The following PLAGL2 variants were observed in gnomAD, a reference collection of about 807,000 sequenced individuals.
PLAGL2 encodes the protein zinc finger protein PLAGL2.
Under a neutral mutation model 29.0 loss-of-function variants are expected in PLAGL2, and 7 were observed. The ratio of observed to expected loss-of-function variants is 0.24; its 90% CI spans 0.14 to 0.45. The LOEUF is 0.45. Among genes scored for constraint, PLAGL2 ranks in the 20% least tolerant of loss-of-function variants. The pLI is 0.99. For synonymous variants in PLAGL2, 234 were observed against 266.0 expected, an observed-to-expected ratio of 0.88 and a Z score of 1.17; for missense variants, 454 against 648.2, an observed-to-expected ratio of 0.70 and a Z score of 3.25.
At position 32,197,123 on chromosome 20, in the gene PLAGL2, G is replaced by A; in HGVS notation, c.820C>T (p.Pro274Ser). The change falls in exon 3 of 3, where the codon CCT becomes TCT. Residue 274 changes from proline (P) to serine (S), a missense_variant. Physicochemically the swap from Pro to Ser is moderately conservative, Grantham distance 74. Coordinates refer to ENST00000246229, the MANE Select transcript of PLAGL2 (RefSeq NM_002657.3). This position sits in a 1 kb window ranked among gnomAD's most constrained non-coding sequence, Gnocchi z 6.6. ...TCCCGAGAGGCCATGCACAGCACAG[G>A]GCTCAGCTCTTCCTTCACACTGACT... Reference protein sequence around the residue: ...STVSVKEELSPVLCMASRDVM... With the variant: ...STVSVKEELSSVLCMASRDVM... 3.7e-6 allele frequency: 6 copies of A among 1,614,194 alleles called. No homozygotes were observed. Among genetic ancestry groups the A allele is most frequent in the Non-Finnish European group, 5.1e-6 (6 of 1,180,030 alleles).
rs544911727 is a variant in PLAGL2, at chr20:32,199,210, T to C, written c.261-1528A>G. Among the ~76,000 whole-genome samples the C allele has an allele frequency of 9.2e-5, 14 of 152,306 alleles. No individual in the cohort carries two copies. In the South Asian group the frequency reaches 2.9e-3, roughly 32 times the overall value. ...GTCAGGTATGCAACAGCTGTCTCTC[T>C]CTCGTACAGCACTCTGTGATCCTTT... On this transcript the variant is annotated intron_variant, in intron 2 of 2. Transcript: ENST00000246229.
chr20:32,204,787 A>C (rs2047277668), intron 1 of PLAGL2, among the ~76,000 whole-genome samples: 1 of 152,218 alleles, frequency 6.6e-6, no homozygotes, highest in Non-Finnish European at 1.5e-5. Flanking sequence ...CAAAACTGTG[A>C]AAGAATTCTA....
intron 2 of PLAGL2, among the ~76,000 whole-genome samples, chr20:32,199,041 C>T (rs1226609977): frequency 6.6e-6 from 1 of 152,226 alleles, no homozygotes; most frequent in Non-Finnish European, 1.5e-5. Context: ...TCAGAATCAA[C>T]TCAGCACCCA....
intron 1 of PLAGL2, among the ~76,000 whole-genome samples, chr20:32,203,573 A>C (rs1474319222): frequency 6.6e-6 from 1 of 152,218 alleles, no homozygotes; most frequent in Non-Finnish European, 1.5e-5. Context: ...TTTCCATGTG[A>C]AGAGAGAAAA....
intron 2 of PLAGL2, among the ~76,000 whole-genome samples, chr20:32,200,501 C>T (rs1288841635): frequency 3.9e-5 from 6 of 152,212 alleles, no homozygotes; most frequent in African/African-American, 1.2e-4. Flanking sequence ...GCTGGGATTA[C>T]AGGCGTGAGC....
Position 32,197,646 on chromosome 20 carries a change from C to T in PLAGL2, c.297G>A (p.Gln99=). The T allele has an allele frequency of 6.2e-7, 1 of 1,614,124 alleles. No homozygotes were observed. Among genetic ancestry groups the T allele is most frequent in the African/African-American group, 1.3e-5 (1 of 75,044 alleles). Residue 99 remains glutamine (Q), a synonymous_variant, in exon 3 of 3, where the codon CAG becomes CAA. Coordinates refer to ENST00000246229, the MANE Select transcript of PLAGL2 (RefSeq NM_002657.3). The surrounding 1 kb of genome is among the most constrained non-coding windows in gnomAD (Gnocchi z 6.6). Reference sequence around the variant, plus strand: ...GAAACATCTTATCACAGTACATACACTGGTGGGGTTTCTGGGCTGAGTGGG... The same window carrying T: ...GAAACATCTTATCACAGTACATACATTGGTGGGGTTTCTGGGCTGAGTGGG... ...MATHSAQKPH[Q]CMYCDKMFHR... is the part of the protein sequence containing the mutation.
chr20:32,205,333 C>A (rs973350403), intron 1 of PLAGL2, among the ~76,000 whole-genome samples: 3 of 152,132 alleles, frequency 2.0e-5, no homozygotes, highest in Admixed American at 6.5e-5. Flanking sequence ...CCTTTTCCCT[C>A]ACAACTAACC....
chr20:32,200,885 C>T (rs369511954), intron 2 of PLAGL2, among the ~76,000 whole-genome samples: 4 of 152,240 alleles, frequency 2.6e-5, no homozygotes, highest in East Asian at 1.9e-4. Context: ...CGAGCCACCA[C>T]GCCTGGCCCA....
At position 32,193,165 on chromosome 20, in the gene PLAGL2, A is replaced by T. The variant is rs1487824880; in HGVS notation, c.*3287T>A. ...TTGATCCTGTACAATATAACCTGTT[A>T]AAAAAATCGTGCTTACAAACAGCTC... On this transcript the variant is annotated 3_prime_UTR_variant, in exon 3 of 3. Transcript: ENST00000246229. 1 of 152,338 alleles carries T rather than the reference A, an allele frequency of 6.6e-6. No homozygotes were observed. The highest frequency in any genetic ancestry group is 1.5e-5 in the Non-Finnish European group (1 of 68,028). 9.4% of individuals were successfully genotyped at this position (152,338 alleles called of 1,614,324 possible). A position where few individuals can be genotyped will look rare whatever the true frequency, so the allele number is the denominator to read the frequency against.
In PLAGL2 at chr20:32,197,703, T is replaced by C; in HGVS notation, c.261-21A>G. 4 of 1,603,506 alleles carry C rather than the reference T, an allele frequency of 2.5e-6. No individual in the cohort carries two copies. The highest frequency in any genetic ancestry group is 2.2e-5 in the South Asian group (2 of 90,354). ...TGTGCCTGGGGGTAGAGACAGGGGATAGGGGAGAAAGCAGAAAGAGGGGAG... is the reference window on the plus strand; with the variant it reads ...TGTGCCTGGGGGTAGAGACAGGGGACAGGGGAGAAAGCAGAAAGAGGGGAG... On this transcript the variant is annotated intron_variant, in intron 2 of 2. Transcript: ENST00000246229. This position sits in a 1 kb window ranked among gnomAD's most constrained non-coding sequence, Gnocchi z 6.6.
At chr20:32,207,160 G>A (rs1221375836) in intron 1 of PLAGL2, among the ~76,000 whole-genome samples, 2 of 152,182 alleles carry the variant, frequency 1.3e-5, no homozygotes, top group African/African-American at 2.4e-5. Context: ...AAGCCTCAAA[G>A]GGAGTTATGT....
At position 32,200,827 on chromosome 20, in the gene PLAGL2, C is replaced by G. The variant is rs999422544; in HGVS notation, c.260+1092G>C. 4.6e-5 allele frequency among the ~76,000 whole-genome samples: 7 copies of G among 152,188 alleles called. No homozygotes were observed. The Middle Eastern group carries it at 0.01, about 225-fold the overall frequency. ...CAGGCTTGCCTCAAACTCCTGGCCT[C>G]AAGTGATCCGCCCGCCTCAGCCTCC... On this transcript the variant is annotated intron_variant, in intron 2 of 2. Transcript: ENST00000246229.
chr20:32,200,469 G>A (rs1197482110), intron 2 of PLAGL2, among the ~76,000 whole-genome samples: 2 of 152,090 alleles, frequency 1.3e-5, no homozygotes, highest in Non-Finnish European at 1.5e-5. Context: ...CTCGTGATCC[G>A]CCTGCCTTGG....
chr20:32,202,068 T>C lies in PLAGL2; in HGVS notation c.111A>G (p.Gln37=), dbSNP rs2047262573. ...PRPRGREAES[Q]VKCQCEISGT... is the part of the protein sequence containing the mutation. Reference sequence around the variant, plus strand: ...CCGAAATTTCACATTGGCACTTCACTTGACTCTCCGCCTCCCGGCCCCGAG... The same window carrying C: ...CCGAAATTTCACATTGGCACTTCACCTGACTCTCCGCCTCCCGGCCCCGAG... Residue 37 remains glutamine (Q), a synonymous_variant, in exon 2 of 3, where the codon CAA becomes CAG. Transcript: ENST00000246229. The C allele has an allele frequency of 1.9e-6, 3 of 1,614,098 alleles. No homozygotes were observed. The highest frequency in any genetic ancestry group is 3.3e-5 in the Admixed American group (2 of 60,002).
Position 32,193,706 on chromosome 20 carries a change from G to C in PLAGL2, c.*2746C>G, listed in dbSNP as rs1475189975. The C allele has an allele frequency of 6.6e-6, 1 of 152,282 alleles. No homozygotes were observed. Among genetic ancestry groups the C allele is most frequent in the Non-Finnish European group, 1.5e-5 (1 of 68,090 alleles). 9.4% of individuals were successfully genotyped at this position (152,282 alleles called of 1,614,324 possible). A position where few individuals can be genotyped will look rare whatever the true frequency, so the allele number is the denominator to read the frequency against. On this transcript the variant is annotated 3_prime_UTR_variant, in exon 3 of 3. Coordinates refer to ENST00000246229, the MANE Select transcript of PLAGL2 (RefSeq NM_002657.3). ...GGCCTCAGTAAGCATACTGAAGTGAGTTCGGGTACTGAGTGCAGGATAAAG... is the reference window on the plus strand; with the variant it reads ...GGCCTCAGTAAGCATACTGAAGTGACTTCGGGTACTGAGTGCAGGATAAAG...
chr20:32,205,604 T>C (rs1313886676), intron 1 of PLAGL2, among the ~76,000 whole-genome samples: 1 of 152,204 alleles, frequency 6.6e-6, no homozygotes, highest in Non-Finnish European at 1.5e-5. Context: ...ACTATAGTTT[T>C]TATGGTGTTA....
chr20:32,195,908 G>C lies in PLAGL2; in HGVS notation c.*544C>G, dbSNP rs1352715560. On this transcript the variant is annotated 3_prime_UTR_variant, in exon 3 of 3. Coordinates refer to ENST00000246229, the MANE Select transcript of PLAGL2 (RefSeq NM_002657.3). Reference sequence around the variant, plus strand: ...TGCTGGACAACACTGACTGAAAACGGAGGTGCTGGTACAGGAGGAATGGGT... The same window carrying C: ...TGCTGGACAACACTGACTGAAAACGCAGGTGCTGGTACAGGAGGAATGGGT... 5.9e-5 allele frequency: 9 copies of C among 152,776 alleles called. No homozygotes were observed. The highest frequency in any genetic ancestry group is 1.3e-4 in the Non-Finnish European group (9 of 68,110). The allele number at this position is 152,776 out of a possible 1,614,324, so 9.5% of individuals were successfully genotyped here.
chr20:32,201,910 G>T lies in PLAGL2; in HGVS notation c.260+9C>A. On this transcript the variant is annotated intron_variant, in intron 2 of 2. Transcript: ENST00000246229. ...TCAGGGCAGGAAGAGATATGAGAGT[G>T]TCACCTACCTATACAGCTTGTATTT... 6.2e-7 allele frequency: 1 copy of T among 1,608,724 alleles called. No homozygotes were observed. The highest frequency in any genetic ancestry group is 8.5e-7 in the Non-Finnish European group (1 of 1,175,776).
rs1349180343 is a variant in PLAGL2, at chr20:32,195,839, G to A, written c.*613C>T. The A allele has an allele frequency of 6.5e-6, 1 of 152,762 alleles. No homozygotes were observed. Among genetic ancestry groups the A allele is most frequent in the Non-Finnish European group, 1.5e-5 (1 of 68,100 alleles). The allele number at this position is 152,762 out of a possible 1,614,324, so 9.5% of individuals were successfully genotyped here. ...CTCTAAGGCTAACAGCTTGGCAAGG[G>A]AGGTGAAATGGTGTGTCTGAGGTGA... On this transcript the variant is annotated 3_prime_UTR_variant, in exon 3 of 3. Coordinates refer to ENST00000246229, the MANE Select transcript of PLAGL2 (RefSeq NM_002657.3).
Sources: gnomAD v4.1 joint callset for allele counts (sites outside exome capture counted in the v4.1 genomes callset) on GRCh38, gnomAD v4.1.1 for gene constraint, Gnocchi (gnomAD v3.1) non-coding constraint, MANE v1.5 for transcripts, NCBI Gene and HGNC (gene_info 2026-07-23, HGNC 2026-07-21) for gene names.